Variants in MRC2 observed in about 807,000 individuals in gnomAD.
MRC2 encodes the protein mannose receptor C-type 2.
MRC2 carries 84 observed loss-of-function variants against 206.2 expected under a neutral mutation model. The ratio of observed to expected loss-of-function variants is 0.41; its 90% CI spans 0.34 to 0.49. The LOEUF (loss-of-function observed/expected upper bound fraction) is 0.49, where lower values mean the gene tolerates loss of function less well. Among genes scored for constraint, MRC2 ranks in the 20% least tolerant of loss-of-function variants. The pLI, the probability that MRC2 is intolerant of heterozygous loss-of-function variation, is 0.31. For missense variants in MRC2, 1,676 were observed against 2,001.5 expected (o/e 0.84, Z 3.10); for synonymous variants, 798 against 800.0 (o/e 1.00, Z 0.04).
At chr17:62,668,005 A>G (rs1474159568) in intron 6 of MRC2, among the ~76,000 whole-genome samples, 2 of 152,200 alleles carry the variant, frequency 1.3e-5, no homozygotes, top group African/African-American at 2.4e-5. Flanking sequence ...CATTCCTGGC[A>G]GAGGGAAGAG....
At chr17:62,683,498 C>CA (rs1307502721) in intron 20 of MRC2, among the ~76,000 whole-genome samples, 7 of 131,796 alleles carry the variant, frequency 5.3e-5, no homozygotes, top group African/African-American at 1.4e-4. Context: ...AAAAAAACAA[C>CA]AAAAAAAACA....
In MRC2 at chr17:62,664,061, G is replaced by A. The variant is rs1003399325; in HGVS notation, c.119-487G>A. ...TGCAAGCTCCGCCTCCCGGGTTCACGCCATTCTCCTGCCTCAGCCTCCCAA... is the reference window on the plus strand; with the variant it reads ...TGCAAGCTCCGCCTCCCGGGTTCACACCATTCTCCTGCCTCAGCCTCCCAA... On this transcript the variant is annotated intron_variant, in intron 1 of 29. Transcript: ENST00000303375. This position sits in a 1 kb window ranked among gnomAD's most constrained non-coding sequence, Gnocchi z 4.7. Among the ~76,000 whole-genome samples, 30 of 148,270 alleles carry A rather than the reference G, an allele frequency of 2.0e-4. No individual in the cohort carries two copies. Among genetic ancestry groups the A allele is most frequent in the Non-Finnish European group, 3.9e-4 (26 of 67,278 alleles).
In MRC2 at chr17:62,666,224, G is replaced by C; in HGVS notation, c.651G>C (p.Gln217His). The stretch of plus-strand genomic sequence containing the variant: ...GTCACCTGTGGTGTGCCACCACCCA[G>C]GACTACGGCAAAGACGAGCGCTGGG... ...EDGHLWCATT[Q>H]DYGKDERWGF... is the part of the protein sequence containing the mutation. The change falls in exon 3 of 30, where the codon CAG becomes CAC. Residue 217 changes from glutamine (Q) to histidine (H), a missense_variant. This residue lies in a region of MRC2 where 318 missense variants were observed against 346.7 expected (regional missense o/e 0.92). Coordinates refer to ENST00000303375, the MANE Select transcript of MRC2 (RefSeq NM_006039.5). The surrounding 1 kb of genome is among the most constrained non-coding windows in gnomAD (Gnocchi z 5.0). The C allele has an allele frequency of 6.2e-7, 1 of 1,602,366 alleles. No individual in the cohort carries two copies. Among genetic ancestry groups the C allele is most frequent in the Non-Finnish European group, 8.5e-7 (1 of 1,174,730 alleles).
Position 62,677,362 on chromosome 17 carries a change from T to A in MRC2, c.1928T>A (p.Ile643Asn), listed in dbSNP as rs1430559594. Residue 643 changes from isoleucine (I) to asparagine (N), a missense_variant, in exon 12 of 30, where the codon ATC becomes AAC. By Grantham distance (149) the Ile-to-Asn change is moderately radical. This residue lies in a region of MRC2 where 1,354 missense variants were observed against 1,636.6 expected (regional missense o/e 0.83). Coordinates refer to ENST00000303375, the MANE Select transcript of MRC2 (RefSeq NM_006039.5). ...KNCTSFRARY[I>N]CRQSLGTPVT... ...TGTACCTCGTTCCGGGCCCGCTACA[T>A]CTGCCGGCAGAGCCTGGGCACTCCA... 3.1e-6 allele frequency: 5 copies of A among 1,610,132 alleles called. No individual in the cohort carries two copies. The highest frequency in any genetic ancestry group is 3.4e-6 in the Non-Finnish European group (4 of 1,178,978).
rs980181648 is a variant in MRC2, at chr17:62,675,177, G to A, written c.1570-613G>A. ...GCCTGGAATTTGTGTGGGGAGTGTTGAGGGTCCATGGTTAACAGCCCAGGA... is the reference window on the plus strand; with the variant it reads ...GCCTGGAATTTGTGTGGGGAGTGTTAAGGGTCCATGGTTAACAGCCCAGGA... On this transcript the variant is annotated intron_variant, in intron 9 of 29. Coordinates refer to ENST00000303375, the MANE Select transcript of MRC2 (RefSeq NM_006039.5). This position sits in a 1 kb window ranked among gnomAD's most constrained non-coding sequence, Gnocchi z 4.1. 6.6e-6 allele frequency among the ~76,000 whole-genome samples: 1 copy of A among 152,158 alleles called. No individual in the cohort carries two copies. Among genetic ancestry groups the A allele is most frequent in the African/African-American group, 2.4e-5 (1 of 41,428 alleles).
chr17:62,675,837 AGT>A lies in MRC2; in HGVS notation c.1619_1620del (p.Val540AspfsTer4). The A allele has an allele frequency of 6.2e-7, 1 of 1,614,182 alleles. No homozygotes were observed. On this transcript the variant is annotated frameshift_variant, in exon 10 of 30. Coordinates refer to ENST00000303375, the MANE Select transcript of MRC2 (RefSeq NM_006039.5). LOFTEE classifies it high-confidence loss of function. The surrounding 1 kb of genome is among the most constrained non-coding windows in gnomAD (Gnocchi z 4.1). ...PSCYWLGEDQVTYSEARRLCT... is the reference protein window; with the variant it reads ...PSCYWLGEDQXTYSEARRLCT... Reference sequence around the variant, plus strand: ...CCTGCTACTGGCTGGGAGAAGACCAAGTGACCTACAGTGAGGCCCGGCGCCTG... The same window carrying A: ...CCTGCTACTGGCTGGGAGAAGACCAAGACCTACAGTGAGGCCCGGCGCCTG...
chr17:62,658,850 G>A (rs933254559), intron 1 of MRC2, among the ~76,000 whole-genome samples: 1 of 152,212 alleles, frequency 6.6e-6, no homozygotes, highest in Non-Finnish European at 1.5e-5. Flanking sequence ...CTGAGAACCA[G>A]ATACCTACTC....
In MRC2 at chr17:62,680,428, G is replaced by T; in HGVS notation, c.2448G>T (p.Val816=). ...WICKIPRGTD[V]REPDDSPQGR... is the part of the protein sequence containing the mutation. ...TCCTTGTTCCCCTAGGTACGGACGTGCGGGAGCCCGACGACAGCCCTCAAG... is the reference window on the plus strand; with the variant it reads ...TCCTTGTTCCCCTAGGTACGGACGTTCGGGAGCCCGACGACAGCCCTCAAG... Residue 816 remains valine (V), a synonymous_variant, in exon 16 of 30, where the codon GTG becomes GTT. Coordinates refer to ENST00000303375, the MANE Select transcript of MRC2 (RefSeq NM_006039.5). This position sits in a 1 kb window ranked among gnomAD's most constrained non-coding sequence, Gnocchi z 4.8. The T allele has an allele frequency of 6.2e-7, 1 of 1,614,100 alleles. No individual in the cohort carries two copies. Among genetic ancestry groups the T allele is most frequent in the Non-Finnish European group, 8.5e-7 (1 of 1,179,996 alleles).
At chr17:62,633,774 G>A (rs2088275955) in intron 1 of MRC2, among the ~76,000 whole-genome samples, 2 of 134,126 alleles carry the variant, frequency 1.5e-5, no homozygotes, top group South Asian at 4.9e-4. Context: ...ACAGGAGGTT[G>A]AGGCTGTAGT....
intron 1 of MRC2, among the ~76,000 whole-genome samples, chr17:62,645,471 A>G (rs1444671450): frequency 6.9e-6 from 1 of 144,458 alleles, no homozygotes; most frequent in East Asian, 2.0e-4. Flanking sequence ...GTGTATATAT[A>G]CACATAATAT....
chr17:62,689,356 T>C, intron 23 of MRC2, 166 bp from the exon 24 acceptor site: 1 of 595,492 alleles, frequency 1.7e-6, no homozygotes, highest in Non-Finnish European at 3.0e-6. Context: ...AAACATGTAT[T>C]ATTAATAACA....
chr17:62,681,176 A>C (rs1440635090), intron 18 of MRC2, 47 bp downstream of exon 18: 3 of 1,597,222 alleles, frequency 1.9e-6, no homozygotes, highest in Admixed American at 3.4e-5. Flanking sequence ...CTGGCTGTCC[A>C]CACACGGAGC....
At chr17:62,663,683 C>T (rs1053323387) in intron 1 of MRC2, among the ~76,000 whole-genome samples, 2 of 152,080 alleles carry the variant, frequency 1.3e-5, no homozygotes, top group African/African-American at 4.8e-5. Context: ...AATTAAATTG[C>T]TGCGTAAAAA....
intron 1 of MRC2, among the ~76,000 whole-genome samples, chr17:62,635,931 G>T (rs1014394077): frequency 6.6e-6 from 1 of 151,922 alleles, no homozygotes; most frequent in African/African-American, 2.4e-5. Context: ...GGGACTACAG[G>T]CGCCCGCCAC....
chr17:62,681,202 C>T (rs1041268632), intron 18 of MRC2, 73 bp downstream of exon 18: 6 of 1,528,912 alleles, frequency 3.9e-6, no homozygotes, highest in African/African-American at 1.4e-5. Flanking sequence ...GGCAGACTTG[C>T]ATTTGAATCC....
intron 1 of MRC2, among the ~76,000 whole-genome samples, chr17:62,648,230 C>A (rs2088513744): frequency 6.6e-6 from 1 of 152,204 alleles, no homozygotes; most frequent in African/African-American, 2.4e-5. Context: ...ATGGCGAAAC[C>A]CCATCTCTAC....
chr17:62,668,932 GGTT>G (rs1403929940), intron 6 of MRC2, among the ~76,000 whole-genome samples: 2 of 152,152 alleles, frequency 1.3e-5, no homozygotes, highest in Non-Finnish European at 2.9e-5. Flanking sequence ...CCCCTTGCAA[GGTT>G]GTTGTGAGGA....
At chr17:62,630,624 G>A (rs2084208500) in intron 1 of MRC2, among the ~76,000 whole-genome samples, 2 of 152,146 alleles carry the variant, frequency 1.3e-5, no homozygotes, top group African/African-American at 4.8e-5. Context: ...GGAACCCCAG[G>A]GGACCCTTGG....
chr17:62,643,984 A>G (rs775922757), intron 1 of MRC2, among the ~76,000 whole-genome samples: 1 of 151,692 alleles, frequency 6.6e-6, no homozygotes, highest in Non-Finnish European at 1.5e-5. Flanking sequence ...ATGTGTGTGT[A>G]TATATATGAA....
Sources: gnomAD v4.1 joint callset for allele counts (sites outside exome capture counted in the v4.1 genomes callset) on GRCh38, gnomAD v4.1.1 for gene constraint, gnomAD v4.1.1 regional missense constraint, Gnocchi (gnomAD v3.1) non-coding constraint, MANE v1.5 for transcripts, NCBI Gene and HGNC (gene_info 2026-07-23, HGNC 2026-07-21) for gene names.